Variants in ORC4 observed in about 807,000 individuals in gnomAD.
ORC4 encodes the protein origin recognition complex, subunit 4 homolog.
Under a neutral mutation model 63.9 loss-of-function variants are expected in ORC4, and 55 were observed. That is an observed-to-expected ratio of 0.86 (90% CI 0.69 to 1.08). The LOEUF (loss-of-function observed/expected upper bound fraction) is 1.08. Ranked by LOEUF, ORC4 falls within the 50% of genes least tolerant of loss-of-function variation. ORC4 has a pLI of 0.00. For missense variants in ORC4, 511 were observed against 504.4 expected (o/e 1.01, Z -0.13); for synonymous variants, 150 against 168.5 (o/e 0.89, Z 0.85).
chr2:148,005,200 T>C (rs929601532), intron 1 of ORC4, among the ~76,000 whole-genome samples: 4 of 152,152 alleles, frequency 2.6e-5, no homozygotes, highest in African/African-American at 9.7e-5. Context: ...ATGTGGCACA[T>C]ATACGCCATG....
chr2:147,955,277 A>T lies in ORC4; in HGVS notation c.436+70T>A. On this transcript the variant is annotated intron_variant, in intron 7 of 13. Coordinates refer to ENST00000392857, the MANE Select transcript of ORC4 (RefSeq NM_181741.4). ...TTTTTTTTTGGCAAAAGCTTGTATT[A>T]CCTTTATAATCAGGGAAAAAATAAA... 2.9e-6 allele frequency: 3 copies of T among 1,051,186 alleles called. 1 individual carries two copies. Among genetic ancestry groups the T allele is most frequent in the South Asian group, 2.9e-5 (2 of 70,116 alleles). 65.1% of individuals were successfully genotyped at this position (1,051,186 alleles called of 1,614,324 possible). A position where few individuals can be genotyped will look rare whatever the true frequency, so the allele number is the denominator to read the frequency against.
chr2:148,010,458 TAAGAA>T (rs1692895310), intron 1 of ORC4, among the ~76,000 whole-genome samples: 1 of 150,842 alleles, frequency 6.6e-6, no homozygotes, highest in East Asian at 1.9e-4. Context: ...TTACCCAGAC[TAAGAA>T]AAGAAAAAAA....
At chr2:147,991,777 G>A (rs1239975792) in intron 1 of ORC4, among the ~76,000 whole-genome samples, 1 of 152,126 alleles carries the variant, frequency 6.6e-6, no homozygotes, top group Non-Finnish European at 1.5e-5. Flanking sequence ...GCAGTAAGCG[G>A]AGATTGCACC....
intron 4 of ORC4, among the ~76,000 whole-genome samples, chr2:147,962,673 G>A (rs1242965916): frequency 6.6e-6 from 1 of 152,074 alleles, no homozygotes; most frequent in African/African-American, 2.4e-5. Context: ...ACCAAACCAG[G>A]GTGGGGCTCT....
intron 9 of ORC4, among the ~76,000 whole-genome samples, chr2:147,947,276 T>G (rs1688711991): frequency 6.6e-6 from 1 of 152,054 alleles, no homozygotes; most frequent in Non-Finnish European, 1.5e-5. Flanking sequence ...TTTTCCACTC[T>G]CACGAGGCCA....
At chr2:148,009,477 G>GA (rs1341611363) in intron 1 of ORC4, among the ~76,000 whole-genome samples, 2 of 151,726 alleles carry the variant, frequency 1.3e-5, no homozygotes, top group Non-Finnish European at 2.9e-5. Flanking sequence ...TATGAAGAAA[G>GA]AAAAAAAGGT....
intron 9 of ORC4, among the ~76,000 whole-genome samples, chr2:147,944,337 TTAAG>T (rs1185687574): frequency 6.6e-6 from 1 of 151,828 alleles, no homozygotes; most frequent in African/African-American, 2.4e-5. Flanking sequence ...AACTAAGAAA[TTAAG>T]AAAGATACCA....
chr2:148,003,844 G>A (rs1692459991), intron 1 of ORC4, among the ~76,000 whole-genome samples: 1 of 152,202 alleles, frequency 6.6e-6, no homozygotes, highest in Non-Finnish European at 1.5e-5. Flanking sequence ...TGACATGATT[G>A]TATATTTAGA....
intron 4 of ORC4, among the ~76,000 whole-genome samples, chr2:147,962,159 T>C (rs765824360): frequency 6.6e-6 from 1 of 152,114 alleles, no homozygotes. Context: ...CTTCCCGTAG[T>C]CAGGAGGGAC....
chr2:147,955,898 C>T (rs1271043424), intron 6 of ORC4, among the ~76,000 whole-genome samples: 2 of 151,828 alleles, frequency 1.3e-5, no homozygotes, highest in East Asian at 1.9e-4. Context: ...ACATTAGATA[C>T]TATAACAGTG....
chr2:148,021,490 C>G, upstream of ORC4: 1 of 577,076 alleles, frequency 1.7e-6, no homozygotes. Context: ...GTTGCTGCTG[C>G]TGCTGCTACT....
intron 1 of ORC4, among the ~76,000 whole-genome samples, chr2:147,993,137 T>C (rs1002374949): frequency 2.6e-5 from 4 of 152,136 alleles, no homozygotes; most frequent in African/African-American, 4.8e-5. Flanking sequence ...AGCATACCAA[T>C]GGGCAGTTTT....
intron 1 of ORC4, among the ~76,000 whole-genome samples, chr2:147,996,690 T>C (rs1384792420): frequency 6.6e-6 from 1 of 152,148 alleles, no homozygotes; most frequent in Non-Finnish European, 1.5e-5. Flanking sequence ...GGGAATTACA[T>C]AATCAAACAA....
intron 9 of ORC4, among the ~76,000 whole-genome samples, chr2:147,946,768 T>C (rs1232320331): frequency 6.6e-6 from 1 of 151,946 alleles, no homozygotes; most frequent in Non-Finnish European, 1.5e-5. Context: ...AAAAAAGTAA[T>C]ATAAAAATAT....
intron 8 of ORC4, among the ~76,000 whole-genome samples, chr2:147,950,103 G>T (rs906182902): frequency 6.6e-6 from 1 of 152,128 alleles, no homozygotes; most frequent in Non-Finnish European, 1.5e-5. Flanking sequence ...TCAAAGAAAA[G>T]TATAGTGCCA....
chr2:147,935,119 G>C lies in ORC4; in HGVS notation c.*391C>G, dbSNP rs1051392820. 5.6e-6 allele frequency: 1 copy of C among 178,950 alleles called. No homozygotes were observed. The highest frequency in any genetic ancestry group is 2.4e-5 in the African/African-American group (1 of 41,826). 11.1% of individuals were successfully genotyped at this position (178,950 alleles called of 1,614,324 possible). On this transcript the variant is annotated 3_prime_UTR_variant, in exon 14 of 14. Coordinates refer to ENST00000392857, the MANE Select transcript of ORC4 (RefSeq NM_181741.4). ...ACTGCAGCAAACCTGCTGTACCAAAGGTTACTTATTATACTTCAGTGCTTA... is the reference window on the plus strand; with the variant it reads ...ACTGCAGCAAACCTGCTGTACCAAACGTTACTTATTATACTTCAGTGCTTA...
chr2:147,981,628 T>C (rs1276092822), intron 1 of ORC4, among the ~76,000 whole-genome samples: 1 of 152,176 alleles, frequency 6.6e-6, no homozygotes, highest in African/African-American at 2.4e-5. Flanking sequence ...CTTAATTTTG[T>C]CATTCCACAA....
At position 147,952,372 on chromosome 2, in the gene ORC4, C is replaced by A; in HGVS notation, c.588+1G>T. 5 of 1,594,146 alleles carry A rather than the reference C, an allele frequency of 3.1e-6. No homozygotes were observed. The South Asian group carries it at 5.6e-5, about 18-fold the overall frequency. On this transcript the variant is annotated splice_donor_variant, in intron 8 of 13. Coordinates refer to ENST00000392857, the MANE Select transcript of ORC4 (RefSeq NM_181741.4). LOFTEE classifies it high-confidence loss of function. ...TTTTTTTAATGAACAGAAAGACTTA[C>A]CAATCTACATGTAAGACCAATAACT...
At chr2:148,006,766 T>C (rs1692664338) in intron 1 of ORC4, among the ~76,000 whole-genome samples, 1 of 152,156 alleles carries the variant, frequency 6.6e-6, no homozygotes, top group African/African-American at 2.4e-5. Context: ...GAATAACCAG[T>C]GGCAGTCACG....
Sources: gnomAD v4.1 joint callset for allele counts (sites outside exome capture counted in the v4.1 genomes callset) on GRCh38, gnomAD v4.1.1 for gene constraint, MANE v1.5 for transcripts, NCBI Gene and HGNC (gene_info 2026-07-23, HGNC 2026-07-21) for gene names.